The following AUTS2 variants were observed in gnomAD, a reference collection of about 807,000 sequenced individuals.
AUTS2 encodes the protein autism susceptibility gene 2 protein.
In AUTS2, 17 loss-of-function variants were observed where a neutral mutation model predicts 112.4. The ratio of observed to expected loss-of-function variants is 0.15; its 90% CI spans 0.10 to 0.23. AUTS2 has a LOEUF of 0.23. Ranked by LOEUF, AUTS2 falls within the 10% of genes least tolerant of loss-of-function variation. AUTS2 has a pLI of 1.00. For synonymous variants in AUTS2, 751 were observed against 702.7 expected (o/e 1.07, Z -1.09); for missense variants, 1,510 against 1,701.6 (o/e 0.89, Z 1.98).
At chr7:70,587,855 G>A (rs1461993922) in intron 5 of AUTS2, among the ~76,000 whole-genome samples, 1 of 152,154 alleles carries the variant, frequency 6.6e-6, no homozygotes, top group Non-Finnish European at 1.5e-5. Flanking sequence ...TATTTGCTTT[G>A]CAAATAGAGA....
chr7:70,513,793 G>T (rs980364437), intron 5 of AUTS2, among the ~76,000 whole-genome samples: 4 of 151,610 alleles, frequency 2.6e-5, no homozygotes, highest in Admixed American at 2.6e-4. Flanking sequence ...CCAGGTAGCT[G>T]GAATTACAGG....
chr7:70,316,518 C>T (rs1790006141), intron 4 of AUTS2, among the ~76,000 whole-genome samples: 1 of 151,752 alleles, frequency 6.6e-6, no homozygotes, highest in South Asian at 2.1e-4. Flanking sequence ...ACTCTCCTGC[C>T]TCAGCCACCC....
chr7:69,708,363 T>C (rs1413231833), intron 1 of AUTS2, among the ~76,000 whole-genome samples: 1 of 152,230 alleles, frequency 6.6e-6, no homozygotes, highest in Non-Finnish European at 1.5e-5. Flanking sequence ...ACTGGTAACT[T>C]TCAGAAGCAT....
Position 70,478,514 on chromosome 7 carries a change from A to G in AUTS2, c.690+42733A>G, listed in dbSNP as rs528939135. Among the ~76,000 whole-genome samples the G allele has an allele frequency of 2.0e-4, 30 of 152,110 alleles. No individual in the cohort carries two copies. The South Asian group carries it at 6.0e-3, about 31-fold the overall frequency. On this transcript the variant is annotated intron_variant, in intron 5 of 18. Transcript: ENST00000342771. ...GCAGGAGGCTCTTCAAAAAACTACC[A>G]CCCAGAAGTAGTTCCCTCTCTCTCT...
intron 5 of AUTS2, among the ~76,000 whole-genome samples, chr7:70,664,495 G>C (rs1277129002): frequency 1.3e-5 from 2 of 152,012 alleles, no homozygotes; most frequent in East Asian, 3.8e-4. Flanking sequence ...ATGTAAAGAT[G>C]GCCTTTTTAT....
intron 1 of AUTS2, among the ~76,000 whole-genome samples, chr7:69,877,737 C>T (rs562898998): frequency 7.2e-5 from 11 of 152,194 alleles, no homozygotes; most frequent in Middle Eastern, 3.4e-3. Context: ...TGTGGTAATT[C>T]GCTTAGGAGA....
intron 2 of AUTS2, among the ~76,000 whole-genome samples, chr7:69,948,108 T>G (rs1335786686): frequency 1.3e-5 from 2 of 152,194 alleles, no homozygotes; most frequent in African/African-American, 4.8e-5. Flanking sequence ...TAGACTGTAA[T>G]TACATTATGA....
intron 5 of AUTS2, among the ~76,000 whole-genome samples, chr7:70,531,740 T>C (rs1193158485): frequency 6.6e-6 from 1 of 151,984 alleles, no homozygotes; most frequent in Non-Finnish European, 1.5e-5. Context: ...CCTCCAACAC[T>C]GAGGACCACA....
chr7:69,974,693 C>T (rs879536967), intron 2 of AUTS2, among the ~76,000 whole-genome samples: 14 of 152,160 alleles, frequency 9.2e-5, no homozygotes, highest in Non-Finnish European at 1.9e-4. Context: ...ATGAGGTCCA[C>T]GTGCCCAAAT....
chr7:70,553,697 ATTT>A (rs111723309), intron 5 of AUTS2, among the ~76,000 whole-genome samples: 1 of 129,126 alleles, frequency 7.7e-6, no homozygotes, highest in African/African-American at 2.9e-5. Flanking sequence ...TTGCAAGGTG[ATTT>A]TTTTTTTTTT....
intron 4 of AUTS2, among the ~76,000 whole-genome samples, chr7:70,379,340 A>G (rs1238302043): frequency 6.6e-6 from 1 of 152,054 alleles, no homozygotes; most frequent in Non-Finnish European, 1.5e-5. Context: ...TTCTCTATTA[A>G]AAGACACAAA....
At chr7:69,699,796 C>T (rs10240462) in intron 1 of AUTS2, among the ~76,000 whole-genome samples, 14,769 of 151,874 alleles carry the variant, frequency 0.097, 1,128 homozygotes, top group African/African-American at 0.21. Context: ...AGGTGCCCGC[C>T]GCCACACCTG....
chr7:69,891,772 A>ATTTT (rs1794531009), intron 1 of AUTS2, among the ~76,000 whole-genome samples: 1 of 41,026 alleles, frequency 2.4e-5, no homozygotes, highest in Non-Finnish European at 5.3e-5. Flanking sequence ...CCAGACAGAT[A>ATTTT]TCTTTTTTTT....
chr7:70,521,584 C>G (rs1799648062), intron 5 of AUTS2, among the ~76,000 whole-genome samples: 1 of 152,178 alleles, frequency 6.6e-6, no homozygotes, highest in Admixed American at 6.5e-5. Context: ...GTCCTACCTA[C>G]AAAATACACT....
chr7:70,142,232 C>T (rs1463702431), intron 4 of AUTS2, among the ~76,000 whole-genome samples: 2 of 152,198 alleles, frequency 1.3e-5, no homozygotes, highest in Non-Finnish European at 2.9e-5. Flanking sequence ...TCCTAACCCC[C>T]ATCTCTGGCC....
intron 1 of AUTS2, among the ~76,000 whole-genome samples, chr7:69,624,214 A>T (rs1346226632): frequency 6.6e-6 from 1 of 152,230 alleles, no homozygotes; most frequent in Non-Finnish European, 1.5e-5. Context: ...GAAAATGCGT[A>T]AGGACAGATT....
At chr7:70,584,361 A>G (rs1332630544) in intron 5 of AUTS2, among the ~76,000 whole-genome samples, 9 of 152,220 alleles carry the variant, frequency 5.9e-5, no homozygotes, top group Admixed American at 3.9e-4. Context: ...TATTAAACAA[A>G]GTATCTTGTT....
chr7:70,783,486 C>T (rs1459705751), intron 15 of AUTS2: 1 of 152,194 alleles, frequency 6.6e-6, no homozygotes, highest in Non-Finnish European at 1.5e-5. Flanking sequence ...CAGCAACAAC[C>T]CCTACGTTTA....
At chr7:70,540,939 T>C (rs1800528809) in intron 5 of AUTS2, among the ~76,000 whole-genome samples, 1 of 152,186 alleles carries the variant, frequency 6.6e-6, no homozygotes, top group Non-Finnish European at 1.5e-5. Context: ...GAACTTGTGC[T>C]GGAAAACAGT....
Sources: gnomAD v4.1 joint callset for allele counts (sites outside exome capture counted in the v4.1 genomes callset) on GRCh38, gnomAD v4.1.1 for gene constraint, MANE v1.5 for transcripts, NCBI Gene and HGNC (gene_info 2026-07-23, HGNC 2026-07-21) for gene names.